NALF1: variants seen among roughly 807,000 people sequenced by gnomAD.
NALF1 encodes family with sequence similarity 155 member A.
NALF1 carries 3 observed loss-of-function variants against 48.4 expected under a neutral mutation model. The observed-to-expected ratio is 0.06, with a 90% CI of 0.03 to 0.16. The LOEUF (loss-of-function observed/expected upper bound fraction) is 0.16, where lower values mean the gene tolerates loss of function less well. Among genes scored for constraint, NALF1 ranks in the 10% least tolerant of loss-of-function variants. The probability of loss-of-function intolerance (pLI) is 1.00; values close to 1 mark genes in which losing one functional copy is unlikely to be tolerated. For synonymous variants in NALF1, 262 were observed against 245.7 expected (o/e 1.07, Z -0.62); for missense variants, 526 against 571.5 (o/e 0.92, Z 0.81).
chr13:107,188,599 C>T (rs981647736), intron 2 of NALF1, among the ~76,000 whole-genome samples: 1 of 152,170 alleles, frequency 6.6e-6, no homozygotes, highest in Middle Eastern at 3.4e-3. Context: ...ACAGATGTAT[C>T]AGATCTGTAA....
In NALF1 at chr13:107,749,174, CTGTG is replaced by C. The variant is rs1876865891; in HGVS notation, c.915+116504_915+116507del. On this transcript the variant is annotated intron_variant, in intron 1 of 2. Transcript: ENST00000375915. ...TGTGTGTGTGTGTGTGTCTACGTGT[CTGTG>C]TGTCACATATTAAAACGCTGAGAAA... Among the ~76,000 whole-genome samples the C allele has an allele frequency of 2.9e-5, 4 of 136,302 alleles. No homozygotes were observed. The South Asian group carries it at 7.2e-4, about 24-fold the overall frequency. The allele number at this position is 136,302 out of a possible 152,430, so 89.4% of individuals were successfully genotyped here.
chr13:107,265,928 A>G (rs114523111), intron 1 of NALF1, among the ~76,000 whole-genome samples: 307 of 152,288 alleles, frequency 2.0e-3, no homozygotes, highest in African/African-American at 6.8e-3. Context: ...TATAGAAAGG[A>G]TATGATTTGC....
At chr13:107,387,393 G>A (rs910309084) in intron 1 of NALF1, among the ~76,000 whole-genome samples, 19 of 152,042 alleles carry the variant, frequency 1.2e-4, no homozygotes, top group Admixed American at 4.6e-4. Context: ...TCACAAAGCC[G>A]AAGCCTCCCA....
At chr13:107,849,963 T>C (rs914661884) in intron 1 of NALF1, among the ~76,000 whole-genome samples, 2 of 152,232 alleles carry the variant, frequency 1.3e-5, no homozygotes, top group African/African-American at 4.8e-5. Flanking sequence ...CTAATACTTT[T>C]AGTAATTTAT....
At chr13:107,566,134 A>C (rs1877802155) in intron 1 of NALF1, among the ~76,000 whole-genome samples, 1 of 152,164 alleles carries the variant, frequency 6.6e-6, no homozygotes, top group Non-Finnish European at 1.5e-5. Flanking sequence ...TGAAGGCAAG[A>C]ATTGCTACAA....
At chr13:107,421,667 C>T (rs1853517) in intron 1 of NALF1, among the ~76,000 whole-genome samples, 34,771 of 151,972 alleles carry the variant, frequency 0.23, 4,145 homozygotes, top group Admixed American at 0.28. Flanking sequence ...ATGATGCCTC[C>T]TTACCCTGAC....
chr13:107,449,737 G>A (rs951459739), intron 1 of NALF1, among the ~76,000 whole-genome samples: 11 of 152,124 alleles, frequency 7.2e-5, no homozygotes, highest in South Asian at 2.1e-4. Context: ...GCCAATTTTC[G>A]CACGGCACTT....
intron 1 of NALF1, among the ~76,000 whole-genome samples, chr13:107,538,295 C>G (rs989060559): frequency 6.6e-6 from 1 of 152,064 alleles, no homozygotes; most frequent in African/African-American, 2.4e-5. Context: ...TTCATGCTAC[C>G]TTCTCTGTAA....
chr13:107,405,529 T>G (rs1426386853), intron 1 of NALF1, among the ~76,000 whole-genome samples: 1 of 152,026 alleles, frequency 6.6e-6, no homozygotes, highest in African/African-American at 2.4e-5. Flanking sequence ...CAAAATTCCC[T>G]TTTCTTTTGA....
intron 1 of NALF1, among the ~76,000 whole-genome samples, chr13:107,696,987 GT>G (rs1002309656): frequency 6.6e-6 from 1 of 151,758 alleles, no homozygotes; most frequent in African/African-American, 2.4e-5. Flanking sequence ...CCTATAACCT[GT>G]TTTTTTATTT....
intron 1 of NALF1, among the ~76,000 whole-genome samples, chr13:107,797,267 A>G (rs1974344): frequency 0.6 from 91,021 of 152,100 alleles, 27,641 homozygotes; most frequent in East Asian, 0.74. Context: ...GTGCAGTGGC[A>G]CAATCTTAGC....
intron 1 of NALF1, among the ~76,000 whole-genome samples, chr13:107,470,817 T>G (rs554491823): frequency 1.4e-4 from 21 of 152,264 alleles, no homozygotes; most frequent in African/African-American, 4.8e-4. Flanking sequence ...CACATATACA[T>G]GTATACTTAT....
At chr13:107,573,658 T>G (rs761361113) in intron 1 of NALF1, among the ~76,000 whole-genome samples, 9 of 151,648 alleles carry the variant, frequency 5.9e-5, no homozygotes, top group Non-Finnish European at 1.0e-4. Context: ...TCTTGAATTG[T>G]AGCTCCCACG....
intron 1 of NALF1, among the ~76,000 whole-genome samples, chr13:107,480,797 T>C (rs1885243010): frequency 6.6e-6 from 1 of 152,224 alleles, no homozygotes; most frequent in Non-Finnish European, 1.5e-5. Context: ...GATAAAGTTA[T>C]ATGAGATAAG....
chr13:107,819,319 C>T (rs1269843078), intron 1 of NALF1, among the ~76,000 whole-genome samples: 1 of 152,216 alleles, frequency 6.6e-6, no homozygotes, highest in African/African-American at 2.4e-5. Context: ...ACAACAGGCA[C>T]TCAATAAACA....
At chr13:107,707,084 G>A (rs1440465484) in intron 1 of NALF1, among the ~76,000 whole-genome samples, 2 of 151,124 alleles carry the variant, frequency 1.3e-5, no homozygotes, top group Non-Finnish European at 2.9e-5. Flanking sequence ...CACTACGCCC[G>A]GCTAATTTTT....
chr13:107,289,952 T>C (rs1594106241), intron 1 of NALF1, among the ~76,000 whole-genome samples: 1 of 152,170 alleles, frequency 6.6e-6, no homozygotes, highest in Non-Finnish European at 1.5e-5. Context: ...TGTGAGAACC[T>C]GTTGAGTCTC....
intron 1 of NALF1, among the ~76,000 whole-genome samples, chr13:107,532,777 A>T (rs1163275575): frequency 6.6e-6 from 1 of 151,894 alleles, no homozygotes; most frequent in East Asian, 1.9e-4. Flanking sequence ...ATTTTCAGAA[A>T]ATATAAATCC....
At chr13:107,709,483 C>G (rs1875504147) in intron 1 of NALF1, among the ~76,000 whole-genome samples, 1 of 152,222 alleles carries the variant, frequency 6.6e-6, no homozygotes, top group Admixed American at 6.5e-5. Context: ...TCATTGCATG[C>G]TAACCAACCA....
Sources: gnomAD v4.1 joint callset for allele counts (sites outside exome capture counted in the v4.1 genomes callset) on GRCh38, gnomAD v4.1.1 for gene constraint, MANE v1.5 for transcripts, NCBI Gene and HGNC (gene_info 2026-07-23, HGNC 2026-07-21) for gene names.